NIN: variants seen among roughly 807,000 people sequenced by gnomAD.
NIN encodes the protein ninein, also known as glycogen synthase kinase 3 beta-interacting protein.
Under a neutral mutation model 257.6 loss-of-function variants are expected in NIN, and 137 were observed. The observed-to-expected ratio is 0.53, with a 90% CI of 0.46 to 0.61. The LOEUF (loss-of-function observed/expected upper bound fraction) is 0.61. Ranked by LOEUF, NIN falls within the 20% of genes least tolerant of loss-of-function variation. NIN has a pLI of 0.00. For synonymous variants in NIN, 918 were observed against 919.8 expected, an observed-to-expected ratio of 1.00 and a Z score of 0.04; for missense variants, 2,439 against 2,501.2, an observed-to-expected ratio of 0.98 and a Z score of 0.53.
At chr14:50,778,179 T>C (rs2042993395) in intron 6 of NIN, among the ~76,000 whole-genome samples, 1 of 152,204 alleles carries the variant, frequency 6.6e-6, no homozygotes, top group Non-Finnish European at 1.5e-5. Context: ...TTAATTTATA[T>C]TGTTATTTTT....
rs763180671 is a variant in NIN at position 50,761,830 on chromosome 14, T to C, written c.1856A>G (p.His619Arg). Residue 619 changes from histidine (H) to arginine (R), a missense_variant, in exon 16 of 31, where the codon CAC (histidine) becomes CGC (arginine). Physicochemically the swap from His to Arg is conservative, Grantham distance 29. Coordinates refer to ENST00000530997, the MANE Select transcript of NIN (RefSeq NM_020921.4). Reference sequence around the variant, plus strand: ...CAGTCTGAGGCAACATATGTCCCTGTGATGTTGTTCTTTCATCTGTTCAAT... The same window carrying C: ...CAGTCTGAGGCAACATATGTCCCTGCGATGTTGTTCTTTCATCTGTTCAAT... ...LVIEQMKEQH[H>R]RDICCLRLEL... is the part of the protein sequence containing the mutation. 4 of 1,614,142 alleles carry C rather than the reference T, an allele frequency of 2.5e-6. No individual in the cohort carries two copies. The East Asian group carries it at 8.9e-5, about 36-fold the overall frequency.
chr14:50,735,186 T>C (rs1019147728), intron 28 of NIN, among the ~76,000 whole-genome samples: 3 of 152,188 alleles, frequency 2.0e-5, no homozygotes, highest in Admixed American at 6.5e-5. Flanking sequence ...GAGGGATCAG[T>C]GAACTGGTAT....
At chr14:50,829,809 C>G (rs938715183) in intron 2 of NIN, among the ~76,000 whole-genome samples, 3 of 152,184 alleles carry the variant, frequency 2.0e-5, no homozygotes, top group African/African-American at 7.2e-5. Flanking sequence ...CTTTTAACTT[C>G]GCAGCGAGAG....
Position 50,757,947 on chromosome 14 carries a change from G to A in NIN, c.3083C>T (p.Pro1028Leu). ...GCAACCACTCTGAAGCATTGAGAGAGGAGATGTTGCCTGCTGCATTTCCTT... is the reference window on the plus strand; with the variant it reads ...GCAACCACTCTGAAGCATTGAGAGAAGAGATGTTGCCTGCTGCATTTCCTT... ...KIKEMQQATSPLSMLQSGCQV... is the reference protein window; with the variant it reads ...KIKEMQQATSLLSMLQSGCQV... Residue 1028 changes from proline to leucine, a missense_variant, in exon 18 of 31, where the codon CCT (proline) becomes CTT (leucine). By Grantham distance (98) the Pro-to-Leu change is moderately conservative. Coordinates refer to ENST00000530997, the MANE Select transcript of NIN (RefSeq NM_020921.4). 1.9e-6 allele frequency: 3 copies of A among 1,613,762 alleles called. No individual in the cohort carries two copies. The highest frequency in any genetic ancestry group is 2.5e-6 in the Non-Finnish European group (3 of 1,180,034).
At position 50,772,981 on chromosome 14, in the gene NIN, A is replaced by G; in HGVS notation, c.781T>C (p.Tyr261His). Residue 261 changes from tyrosine (Y) to histidine (H), a missense_variant, in exon 8 of 31, where the codon TAT becomes CAT. By Grantham distance (83) the Tyr-to-His change is moderately conservative. This residue lies in a region of NIN where 387 missense variants were observed against 427.3 expected (regional missense o/e 0.91). Coordinates refer to ENST00000530997, the MANE Select transcript of NIN (RefSeq NM_020921.4). ...GAAAGGTGCCTTTTTAGTTGTCTATATGGAGTAGATGCTGATGGTGTAAGA... is the reference window on the plus strand; with the variant it reads ...GAAAGGTGCCTTTTTAGTTGTCTATGTGGAGTAGATGCTGATGGTGTAAGA... ...KSLTPSASTP[Y>H]RQLKRHLSMQ... is the part of the protein sequence containing the mutation. The G allele has an allele frequency of 1.2e-6, 2 of 1,613,274 alleles. No homozygotes were observed. The highest frequency in any genetic ancestry group is 1.3e-5 in the African/African-American group (1 of 75,014).
At position 50,740,956 on chromosome 14, in the gene NIN, A is replaced by T. The variant is rs185142837; in HGVS notation, c.5448+626T>A. On this transcript the variant is annotated intron_variant, in intron 25 of 30. Transcript: ENST00000530997. ...GACTTATTAAAATGAGACACTTTCTACCACACCACCATAATGTGTCAGCCA... is the reference window on the plus strand; with the variant it reads ...GACTTATTAAAATGAGACACTTTCTTCCACACCACCATAATGTGTCAGCCA... Among the ~76,000 whole-genome samples, 38 of 152,370 alleles carry T rather than the reference A, an allele frequency of 2.5e-4. No individual in the cohort carries two copies. In the East Asian group the frequency reaches 6.2e-3, roughly 25 times the overall value.
At chr14:50,826,074 A>G (rs1049839186) in intron 2 of NIN, among the ~76,000 whole-genome samples, 5 of 152,244 alleles carry the variant, frequency 3.3e-5, no homozygotes, top group Non-Finnish European at 5.9e-5. Flanking sequence ...CTTCCCCTGA[A>G]TAAACACTTA....
intron 5 of NIN, among the ~76,000 whole-genome samples, chr14:50,790,234 T>C (rs1219433641): frequency 6.6e-6 from 1 of 152,090 alleles, no homozygotes; most frequent in African/African-American, 2.4e-5. Flanking sequence ...TTTTTTGAGT[T>C]TCGTAGAAAC....
At chr14:50,799,545 T>C (rs1194453587) in intron 4 of NIN, among the ~76,000 whole-genome samples, 2 of 152,212 alleles carry the variant, frequency 1.3e-5, no homozygotes, top group Non-Finnish European at 2.9e-5. Context: ...GCTGCTCTGA[T>C]CTTATTCTTG....
chr14:50,748,075 C>T lies in NIN; in HGVS notation c.4981G>A (p.Glu1661Lys), dbSNP rs2041630878. Residue 1661 changes from glutamate (E) to lysine (K), a missense_variant, in exon 22 of 31, where the codon GAG becomes AAG. Coordinates refer to ENST00000530997, the MANE Select transcript of NIN (RefSeq NM_020921.4). ...GTCTGTATTTTAACTTCAGAGAGCT[C>T]CGCCTCCAGAGAAGACACTAAAGTG... ...SSTLVSSLEAELSEVKIQTHI... is the reference protein window; with the variant it reads ...SSTLVSSLEAKLSEVKIQTHI... The T allele has an allele frequency of 1.2e-6, 2 of 1,613,546 alleles. No homozygotes were observed. The highest frequency in any genetic ancestry group is 1.7e-6 in the Non-Finnish European group (2 of 1,179,666).
intron 30 of NIN, among the ~76,000 whole-genome samples, chr14:50,725,448 T>A (rs1293901287): frequency 6.6e-6 from 1 of 152,246 alleles, no homozygotes; most frequent in Middle Eastern, 3.4e-3. Flanking sequence ...CTTTTTGGAG[T>A]CTAGCTGTAG....
At chr14:50,826,847 T>C (rs982368783) in intron 2 of NIN, among the ~76,000 whole-genome samples, 4 of 152,236 alleles carry the variant, frequency 2.6e-5, no homozygotes, top group African/African-American at 9.6e-5. Context: ...GCGGAATGTC[T>C]GCATGCCCCT....
chr14:50,791,462 CTT>C (rs1182750436), intron 5 of NIN, among the ~76,000 whole-genome samples: 5 of 150,136 alleles, frequency 3.3e-5, no homozygotes, highest in African/African-American at 9.8e-5. Flanking sequence ...TTTTTTCTCT[CTT>C]CTCTCTTTTA....
intron 12 of NIN, among the ~76,000 whole-genome samples, chr14:50,767,579 A>G (rs1393230481): frequency 2.0e-5 from 3 of 152,194 alleles, no homozygotes; most frequent in Non-Finnish European, 4.4e-5. Context: ...GCACTTTGGG[A>G]GGCCAAGGTG....
At position 50,758,263 on chromosome 14, in the gene NIN, T is replaced by C; in HGVS notation, c.2767A>G (p.Arg923Gly). Reference sequence around the variant, plus strand: ...CTTTGCTGGGTTTCAGATACATTTCTTAGGTCTTCCAGGTCTTGGAGTAGC... The same window carrying C: ...CTTTGCTGGGTTTCAGATACATTTCCTAGGTCTTCCAGGTCTTGGAGTAGC... ...QQLLQDLEDL[R>G]NVSETQQSLL... The change falls in exon 18 of 31, where the codon AGA becomes GGA. Residue 923 changes from arginine (R) to glycine (G), a missense_variant. This residue lies in a region of NIN where 2,043 missense variants were observed against 2,050.2 expected (regional missense o/e 1.00). Coordinates refer to ENST00000530997, the MANE Select transcript of NIN (RefSeq NM_020921.4). 4 of 1,614,252 alleles carry C rather than the reference T, an allele frequency of 2.5e-6. No individual in the cohort carries two copies. The highest frequency in any genetic ancestry group is 3.4e-6 in the Non-Finnish European group (4 of 1,180,048).
At position 50,770,973 on chromosome 14, in the gene NIN, C is replaced by T. The variant is rs568406670; in HGVS notation, c.1138G>A (p.Val380Ile). ...RHLLERVDQVVREKEKLRSDL... is the reference protein window; with the variant it reads ...RHLLERVDQVIREKEKLRSDL... ...GACCGTAGCTTCTCTTTTTCTCTGA[C>T]CACCTGATCAACTCGTTCCCTAGGA... The change falls in exon 11 of 31, where the codon GTC (valine) becomes ATC (isoleucine). Residue 380 changes from valine to isoleucine, a missense_variant. Val to Ile is a conservative substitution (Grantham distance 29). This residue lies in a region of NIN where 2,043 missense variants were observed against 2,050.2 expected (regional missense o/e 1.00). Coordinates refer to ENST00000530997, the MANE Select transcript of NIN (RefSeq NM_020921.4). 3.0e-5 allele frequency: 48 copies of T among 1,614,078 alleles called. No individual in the cohort carries two copies. The highest frequency in any genetic ancestry group is 3.6e-5 in the Non-Finnish European group (43 of 1,179,996).
In NIN at chr14:50,721,054, TAA is replaced by T. The variant is rs1006708750; in HGVS notation, c.*2407_*2408del. 9 of 193,646 alleles carry T rather than the reference TAA, an allele frequency of 4.6e-5. No homozygotes were observed. The highest frequency in any genetic ancestry group is 2.1e-4 in the African/African-American group (9 of 43,342). 12.0% of individuals were successfully genotyped at this position (193,646 alleles called of 1,614,324 possible). On this transcript the variant is annotated 3_prime_UTR_variant, in exon 31 of 31. Coordinates refer to ENST00000530997, the MANE Select transcript of NIN (RefSeq NM_020921.4). ...TCTTTAAAAGGTCTTTTAAAAGCTA[TAA>T]GTTCTATTATAAATTGCCAACTAAA... is the stretch of plus-strand genomic sequence containing the variant.
intron 7 of NIN, among the ~76,000 whole-genome samples, chr14:50,775,117 G>A (rs2042871807): frequency 6.6e-6 from 1 of 152,190 alleles, no homozygotes; most frequent in Admixed American, 6.5e-5. Flanking sequence ...GAACACAGGA[G>A]TGCATGTCCT....
At chr14:50,762,550 A>T (rs902736717) in intron 15 of NIN, among the ~76,000 whole-genome samples, 14 of 152,194 alleles carry the variant, frequency 9.2e-5, no homozygotes, top group Non-Finnish European at 2.9e-5. Context: ...CTAAAATTTT[A>T]AAAAACAGGG....
Sources: allele counts gnomAD v4.1 joint callset (sites outside exome capture counted in the v4.1 genomes callset), GRCh38; gene constraint gnomAD v4.1.1; regional missense constraint gnomAD v4.1.1; transcripts MANE v1.5; gene names NCBI Gene and HGNC (gene_info 2026-07-23, HGNC 2026-07-21).